The following GULP1 variants were observed in gnomAD, a reference collection of about 807,000 sequenced individuals.
GULP1 encodes the protein PTB domain-containing engulfment adapter protein 1.
GULP1 carries 19 observed loss-of-function variants against 40.9 expected under a neutral mutation model. The ratio of observed to expected loss-of-function variants is 0.46; its 90% CI spans 0.32 to 0.68. The LOEUF is 0.68. Among genes scored for constraint, GULP1 ranks in the 30% least tolerant of loss-of-function variants. The pLI, the probability that GULP1 is intolerant of heterozygous loss-of-function variation, is 0.03. For missense variants in GULP1, 312 were observed against 362.2 expected (o/e 0.86, Z 1.12); for synonymous variants, 119 against 117.6 (o/e 1.01, Z -0.08).
At chr2:188,319,057 T>C (rs938271339) in intron 1 of GULP1, among the ~76,000 whole-genome samples, 3 of 146,990 alleles carry the variant, frequency 2.0e-5, no homozygotes, top group African/African-American at 7.6e-5. Flanking sequence ...ATAAACTCTG[T>C]AGAATTTAGC....
At chr2:188,359,688 C>A (rs939777630) in intron 1 of GULP1, among the ~76,000 whole-genome samples, 32 of 152,076 alleles carry the variant, frequency 2.1e-4, no homozygotes, top group African/African-American at 7.2e-4. Flanking sequence ...TATTGATGTA[C>A]TATTAGTTAT....
intron 1 of GULP1, among the ~76,000 whole-genome samples, chr2:188,350,742 T>C (rs2152288354): frequency 6.6e-6 from 1 of 152,228 alleles, no homozygotes; most frequent in Non-Finnish European, 1.5e-5. Context: ...AACATGATTA[T>C]ATTAATTTTG....
chr2:188,366,037 C>T (rs1258191848), intron 1 of GULP1, among the ~76,000 whole-genome samples: 1 of 152,042 alleles, frequency 6.6e-6, no homozygotes, highest in Non-Finnish European at 1.5e-5. Flanking sequence ...GACCACCTGT[C>T]CAACTTTTCT....
intron 4 of GULP1, among the ~76,000 whole-genome samples, chr2:188,486,611 A>G (rs893609531): frequency 1.3e-5 from 2 of 151,878 alleles, no homozygotes; most frequent in Non-Finnish European, 2.9e-5. Context: ...TTATTTCTAC[A>G]TTCTTTCAAT....
At position 188,513,447 on chromosome 2, in the gene GULP1, A is replaced by T. The variant is rs1485044480; in HGVS notation, c.91-9309A>T. 2.0e-5 allele frequency among the ~76,000 whole-genome samples: 3 copies of T among 152,184 alleles called. No individual in the cohort carries two copies. The East Asian group carries it at 5.8e-4, about 29-fold the overall frequency. On this transcript the variant is annotated intron_variant, in intron 4 of 11. Transcript: ENST00000409830. Reference sequence around the variant, plus strand: ...CATATTTACACAATAATGCCAAATTATATAGTAATTGATGAGGTTTTGTTA... The same window carrying T: ...CATATTTACACAATAATGCCAAATTTTATAGTAATTGATGAGGTTTTGTTA...
chr2:188,458,317 T>C (rs2059430134), intron 2 of GULP1, among the ~76,000 whole-genome samples: 1 of 152,162 alleles, frequency 6.6e-6, no homozygotes, highest in African/African-American at 2.4e-5. Context: ...CCAATCAGCA[T>C]AAATACATAT....
intron 4 of GULP1, among the ~76,000 whole-genome samples, chr2:188,506,438 G>A (rs1038020959): frequency 6.6e-6 from 1 of 151,870 alleles, no homozygotes; most frequent in Admixed American, 6.6e-5. Flanking sequence ...TTTAATTTTA[G>A]AGATACTCTT....
chr2:188,409,557 AT>A (rs904929358), intron 2 of GULP1, among the ~76,000 whole-genome samples: 24 of 151,550 alleles, frequency 1.6e-4, no homozygotes, highest in Admixed American at 2.0e-4. Context: ...ATTCTTTTCA[AT>A]TTTTTTTTCC....
chr2:188,414,116 C>T (rs1158942677), intron 2 of GULP1, among the ~76,000 whole-genome samples: 1 of 150,318 alleles, frequency 6.7e-6, no homozygotes, highest in African/African-American at 2.4e-5. Context: ...ACTCAGGAAG[C>T]TGTGGCAGGA....
At chr2:188,576,545 A>G (rs1467050352) in intron 9 of GULP1, among the ~76,000 whole-genome samples, 2 of 152,176 alleles carry the variant, frequency 1.3e-5, no homozygotes, top group East Asian at 1.9e-4. Context: ...TGAATATATA[A>G]CACTTCATGT....
intron 1 of GULP1, among the ~76,000 whole-genome samples, chr2:188,336,959 G>A (rs575109441): frequency 1.3e-5 from 2 of 152,186 alleles, no homozygotes; most frequent in East Asian, 3.9e-4. Flanking sequence ...TGATGCCTTT[G>A]TTACCTTTGA....
chr2:188,428,278 T>G (rs910184448), intron 2 of GULP1, among the ~76,000 whole-genome samples: 4 of 152,150 alleles, frequency 2.6e-5, no homozygotes, highest in African/African-American at 7.2e-5. Context: ...ATTTTGACCT[T>G]GGATTTTTGA....
At chr2:188,577,934 A>G (rs1314331886) in intron 9 of GULP1, among the ~76,000 whole-genome samples, 2 of 151,974 alleles carry the variant, frequency 1.3e-5, no homozygotes, top group Admixed American at 1.3e-4. Flanking sequence ...CTTTAATGTT[A>G]TTTATAATTT....
chr2:188,395,532 A>G (rs1360670344), intron 2 of GULP1, among the ~76,000 whole-genome samples: 2 of 152,074 alleles, frequency 1.3e-5, no homozygotes, highest in Non-Finnish European at 2.9e-5. Flanking sequence ...GTTGGCATGG[A>G]GCTTCAGATT....
chr2:188,406,153 A>G (rs1311907662), intron 2 of GULP1, among the ~76,000 whole-genome samples: 1 of 152,176 alleles, frequency 6.6e-6, no homozygotes, highest in Non-Finnish European at 1.5e-5. Context: ...ACATATACCT[A>G]TATGGTATAT....
At chr2:188,309,382 C>T (rs1211433611) in intron 1 of GULP1, among the ~76,000 whole-genome samples, 2 of 152,096 alleles carry the variant, frequency 1.3e-5, no homozygotes, top group Non-Finnish European at 2.9e-5. Context: ...GGGAGGACTG[C>T]TTGAGCCTGG....
intron 2 of GULP1, among the ~76,000 whole-genome samples, chr2:188,455,747 G>A (rs1202403618): frequency 6.6e-6 from 1 of 152,184 alleles, no homozygotes; most frequent in Non-Finnish European, 1.5e-5. Context: ...TTTGGAACTG[G>A]GTAACAGGCA....
chr2:188,476,801 C>T (rs1257926536), intron 2 of GULP1, among the ~76,000 whole-genome samples: 2 of 152,022 alleles, frequency 1.3e-5, no homozygotes, highest in African/African-American at 4.8e-5. Flanking sequence ...GATTACAATG[C>T]AGTACCAATA....
chr2:188,486,580 A>T (rs1464524464), intron 4 of GULP1, among the ~76,000 whole-genome samples: 1 of 151,976 alleles, frequency 6.6e-6, no homozygotes, highest in Non-Finnish European at 1.5e-5. Flanking sequence ...TTTATTTTAT[A>T]ATTCTTTTTT....
Sources: gnomAD v4.1 joint callset for allele counts (sites outside exome capture counted in the v4.1 genomes callset) on GRCh38, gnomAD v4.1.1 for gene constraint, MANE v1.5 for transcripts, NCBI Gene and HGNC (gene_info 2026-07-23, HGNC 2026-07-21) for gene names.